The following PRKAR2A variants were observed in gnomAD, a reference collection of about 807,000 sequenced individuals.
PRKAR2A encodes the protein cAMP-dependent protein kinase type II-alpha regulatory subunit.
A neutral mutation model predicts 51.9 loss-of-function variants in PRKAR2A; 29 were observed. That is an observed-to-expected ratio of 0.56 (90% confidence interval 0.42 to 0.76). PRKAR2A has a LOEUF of 0.76. Among genes scored for constraint, PRKAR2A ranks in the 30% least tolerant of loss-of-function variants. The probability of loss-of-function intolerance (pLI) is 0.00; values close to 1 mark genes in which losing one functional copy is unlikely to be tolerated. For synonymous variants in PRKAR2A, 178 were observed against 186.2 expected (o/e 0.96, Z 0.36); for missense variants, 445 against 512.1 (o/e 0.87, Z 1.26).
At chr3:48,829,873 T>TATATA (rs1559646973) in intron 1 of PRKAR2A, among the ~76,000 whole-genome samples, 16 of 62,868 alleles carry the variant, frequency 2.5e-4, no homozygotes, top group African/African-American at 5.4e-4. Context: ...ATATATATAT[T>TATATA]TTTTTTTTTT....
intron 5 of PRKAR2A, among the ~76,000 whole-genome samples, chr3:48,782,725 C>T (rs2082220628): frequency 6.6e-6 from 1 of 152,076 alleles, no homozygotes; most frequent in African/African-American, 2.4e-5. Context: ...CAAAGTGCTG[C>T]AATTACAGGC....
Position 48,847,575 on chromosome 3 carries a change from G to C in PRKAR2A, c.22C>G (p.Pro8Ala), listed in dbSNP as rs2083490477. The change falls in exon 1 of 11, where the codon CCG becomes GCG. Residue 8 changes from proline to alanine, a missense_variant. Pro to Ala is a conservative substitution (Grantham distance 27). Transcript: ENST00000265563. This position sits in a 1 kb window ranked among gnomAD's most constrained non-coding sequence, Gnocchi z 4.4. ...CCCTGCAGCAGCTCCGTGAGCCCCG[G>C]CGGGATCTGGATGTGGCTCATGCCG... MSHIQIP[P>A]GLTELLQGYT... The C allele has an allele frequency of 6.5e-7, 1 of 1,543,644 alleles. No homozygotes were observed. Among genetic ancestry groups the C allele is most frequent in the Middle Eastern group, 1.7e-4 (1 of 5,778 alleles).
intron 1 of PRKAR2A, among the ~76,000 whole-genome samples, chr3:48,829,036 A>C (rs2083120905): frequency 1.3e-5 from 2 of 151,682 alleles, no homozygotes; most frequent in Admixed American, 1.3e-4. Flanking sequence ...GGGTTTCACC[A>C]TGTTGGCCAA....
chr3:48,797,058 A>G (rs775613489), intron 2 of PRKAR2A, among the ~76,000 whole-genome samples: 35 of 152,094 alleles, frequency 2.3e-4, no homozygotes, highest in Non-Finnish European at 4.6e-4. Flanking sequence ...GGCAACAAAC[A>G]GTTCTTGACC....
At chr3:48,768,320 G>T (rs1229888568) in intron 6 of PRKAR2A, among the ~76,000 whole-genome samples, 1 of 151,170 alleles carries the variant, frequency 6.6e-6, no homozygotes, top group Non-Finnish European at 1.5e-5. Flanking sequence ...TAGATAGATA[G>T]ATAGATAGAT....
intron 3 of PRKAR2A, 121 bp downstream of exon 3, chr3:48,793,876 T>A: frequency 1.2e-6 from 1 of 848,834 alleles, no homozygotes; most frequent in African/African-American, 1.7e-5. Context: ...ATTAAAAATG[T>A]CACTTCAGTG....
chr3:48,832,355 G>C (rs1470115581), intron 1 of PRKAR2A, among the ~76,000 whole-genome samples: 2 of 151,350 alleles, frequency 1.3e-5, no homozygotes, highest in Non-Finnish European at 2.9e-5. Flanking sequence ...CAGCTATCTG[G>C]GCTTGGACCA....
intron 8 of PRKAR2A, among the ~76,000 whole-genome samples, chr3:48,757,232 G>A (rs964330101): frequency 1.2e-4 from 18 of 152,200 alleles, no homozygotes; most frequent in African/African-American, 4.3e-4. Context: ...GATAGGTGGT[G>A]AAGGATAGTG....
chr3:48,765,541 G>A (rs1023938836), intron 6 of PRKAR2A, among the ~76,000 whole-genome samples, 192 bp from the exon 7 acceptor site: 1 of 152,016 alleles, frequency 6.6e-6, no homozygotes, highest in Non-Finnish European at 1.5e-5. Context: ...ATGCCCACAT[G>A]CTGTTGCTTG....
At position 48,790,530 on chromosome 3, in the gene PRKAR2A, G is replaced by T; in HGVS notation, c.435+14C>A. 1.3e-6 allele frequency: 2 copies of T among 1,504,564 alleles called. No individual in the cohort carries two copies. The highest frequency in any genetic ancestry group is 1.3e-5 in the South Asian group (1 of 75,026). 93.2% of individuals were successfully genotyped at this position (1,504,564 alleles called of 1,614,324 possible). The stretch of plus-strand genomic sequence containing the variant: ...AGATCATTATAATAAAAATACTTTA[G>T]AAATCAATGTTACCTGATCAAGATT... On this transcript the variant is annotated intron_variant, in intron 4 of 10. Transcript: ENST00000265563.
intron 1 of PRKAR2A, among the ~76,000 whole-genome samples, chr3:48,831,129 T>C (rs931034767): frequency 6.6e-6 from 1 of 152,148 alleles, no homozygotes; most frequent in Non-Finnish European, 1.5e-5. Context: ...TATACTTTTA[T>C]ACAACTGACA....
intron 6 of PRKAR2A, among the ~76,000 whole-genome samples, chr3:48,770,761 G>A (rs567548472): frequency 3.9e-4 from 60 of 152,316 alleles, no homozygotes; most frequent in Non-Finnish European, 7.3e-4. Flanking sequence ...TGGCCATGGG[G>A]AGCTTGTGCC....
intron 2 of PRKAR2A, among the ~76,000 whole-genome samples, chr3:48,803,950 CA>C (rs922994587): frequency 1.3e-5 from 2 of 151,724 alleles, no homozygotes; most frequent in Non-Finnish European, 2.9e-5. Context: ...GGCGACAAGG[CA>C]AGACTCTGTC....
Position 48,749,163 on chromosome 3 carries a change from A to G in PRKAR2A, c.*2422T>C, listed in dbSNP as rs2107180234. 1 of 152,296 alleles carries G rather than the reference A, an allele frequency of 6.6e-6. No individual in the cohort carries two copies. Among genetic ancestry groups the G allele is most frequent in the Non-Finnish European group, 1.5e-5 (1 of 68,026 alleles). 9.4% of individuals were successfully genotyped at this position (152,296 alleles called of 1,614,324 possible). On this transcript the variant is annotated 3_prime_UTR_variant, in exon 11 of 11. Coordinates refer to ENST00000265563, the MANE Select transcript of PRKAR2A (RefSeq NM_004157.4). The stretch of plus-strand genomic sequence containing the variant: ...AAGTTAAAAAGAAACAAAAAATCAT[A>G]TTGGAAATGGCCTCTTGGTTTAATA...
At chr3:48,774,591 C>T (rs1298277776) in intron 5 of PRKAR2A, among the ~76,000 whole-genome samples, 3 of 152,186 alleles carry the variant, frequency 2.0e-5, no homozygotes, top group Non-Finnish European at 2.9e-5. Flanking sequence ...CCACCCACCA[C>T]CCTTCTCAGT....
At chr3:48,792,455 C>CTTTTTTTTTT (rs983032500) in intron 3 of PRKAR2A, among the ~76,000 whole-genome samples, 1 of 66,808 alleles carries the variant, frequency 1.5e-5, no homozygotes, top group Non-Finnish European at 2.8e-5. Flanking sequence ...AAGGTTTAAT[C>CTTTTTTTTTT]TTTTTTTTTT....
chr3:48,761,109 T>C (rs567923527), intron 8 of PRKAR2A, among the ~76,000 whole-genome samples: 106 of 152,036 alleles, frequency 7.0e-4, no homozygotes, highest in Non-Finnish European at 1.3e-3. Context: ...CGGTGAAACC[T>C]GTCTCTACTA....
At chr3:48,754,426 G>A (rs2081723311) in intron 9 of PRKAR2A, among the ~76,000 whole-genome samples, 1 of 151,886 alleles carries the variant, frequency 6.6e-6, no homozygotes, top group Non-Finnish European at 1.5e-5. Context: ...TAGTAGAGAT[G>A]AGGTTTCTCC....
chr3:48,815,697 G>GAA, intron 1 of PRKAR2A, among the ~76,000 whole-genome samples: 1 of 121,724 alleles, frequency 8.2e-6, no homozygotes, highest in Admixed American at 8.8e-5. Context: ...TGTCTCAGCG[G>GAA]AAAAAAAAAA....
Sources: gnomAD v4.1 joint callset for allele counts (sites outside exome capture counted in the v4.1 genomes callset) on GRCh38, gnomAD v4.1.1 for gene constraint, Gnocchi (gnomAD v3.1) non-coding constraint, MANE v1.5 for transcripts, NCBI Gene and HGNC (gene_info 2026-07-23, HGNC 2026-07-21) for gene names.